The following THSD4 variants were observed in gnomAD, a reference collection of about 807,000 sequenced individuals.
THSD4 encodes the protein thrombospondin type 1 domain containing 4, also known as thrombospondin type-1 domain-containing protein 4.
THSD4 carries 69 observed loss-of-function variants against 119.0 expected under a neutral mutation model. That is an observed-to-expected ratio of 0.58 (90% CI 0.48 to 0.71). THSD4 has a LOEUF of 0.71. THSD4 is among the 30% of genes least tolerant of loss of function. The pLI is 0.00. For missense variants in THSD4, 1,393 were observed against 1,391.1 expected (o/e 1.00, Z -0.02); for synonymous variants, 524 against 540.4 (o/e 0.97, Z 0.42).
At position 71,370,364 on chromosome 15, in the gene THSD4, T is replaced by A. The variant is rs1596374665; in HGVS notation, c.1016-41323T>A. Among the ~76,000 whole-genome samples, 3 of 152,348 alleles carry A rather than the reference T, an allele frequency of 2.0e-5. No individual in the cohort carries two copies. In the East Asian group the frequency reaches 5.8e-4, roughly 29 times the overall value. On this transcript the variant is annotated intron_variant, in intron 6 of 17. Coordinates refer to ENST00000261862, the MANE Select transcript of THSD4 (RefSeq NM_024817.3). ...GCTCTTGCTTCTCTAGTTCTTTTAA[T>A]TGTGATGTTAGGGTGTCAATTTTAG... is the stretch of plus-strand genomic sequence containing the variant.
chr15:71,718,148 C>G (rs926137347), intron 8 of THSD4, among the ~76,000 whole-genome samples: 4 of 123,188 alleles, frequency 3.2e-5, no homozygotes, highest in African/African-American at 1.2e-4. Context: ...GACCCTGTCT[C>G]AAAAAAAAAA....
chr15:71,386,212 T>TA, intron 6 of THSD4, among the ~76,000 whole-genome samples: 1 of 152,238 alleles, frequency 6.6e-6, no homozygotes, highest in East Asian at 1.9e-4. Flanking sequence ...TGACTTCCAT[T>TA]AAAAATCAAA....
intron 8 of THSD4, among the ~76,000 whole-genome samples, chr15:71,665,708 T>G: frequency 6.6e-6 from 1 of 152,206 alleles, no homozygotes; most frequent in East Asian, 1.9e-4. Flanking sequence ...TTCAATCTTC[T>G]CCATATGGCT....
intron 3 of THSD4, among the ~76,000 whole-genome samples, chr15:71,162,596 G>T (rs1315836042): frequency 2.6e-5 from 4 of 151,996 alleles, no homozygotes; most frequent in Admixed American, 2.0e-4. Context: ...TGTTTATAAT[G>T]TGCCCCAGAG....
intron 8 of THSD4, among the ~76,000 whole-genome samples, chr15:71,713,126 G>A (rs944581786): frequency 6.6e-6 from 1 of 152,314 alleles, no homozygotes. Context: ...TTGGGTAATG[G>A]TAGAAAACAG....
At chr15:71,709,512 C>A (rs1285450175) in intron 8 of THSD4, among the ~76,000 whole-genome samples, 3 of 152,116 alleles carry the variant, frequency 2.0e-5, no homozygotes, top group African/African-American at 7.2e-5. Context: ...CAGGGGGGCT[C>A]CTCACTGGTC....
At chr15:71,252,624 G>A (rs995587673) in intron 5 of THSD4, among the ~76,000 whole-genome samples, 2 of 152,160 alleles carry the variant, frequency 1.3e-5, no homozygotes, top group East Asian at 1.9e-4. Flanking sequence ...ACACAGTCAC[G>A]AAGGGCACCA....
intron 7 of THSD4, among the ~76,000 whole-genome samples, chr15:71,514,908 G>A (rs1429352424): frequency 2.0e-5 from 3 of 152,068 alleles, no homozygotes; most frequent in Non-Finnish European, 4.4e-5. Flanking sequence ...TCCAAATTTT[G>A]TTTAACCAAA....
chr15:71,361,184 C>T (rs1043672319), intron 6 of THSD4, among the ~76,000 whole-genome samples: 2 of 152,130 alleles, frequency 1.3e-5, no homozygotes, highest in Non-Finnish European at 2.9e-5. Flanking sequence ...AATGGGGAGC[C>T]ACTGAAGGAG....
intron 8 of THSD4, among the ~76,000 whole-genome samples, chr15:71,673,403 C>T (rs1354106683): frequency 2.0e-5 from 3 of 152,190 alleles, no homozygotes; most frequent in Admixed American, 6.5e-5. Flanking sequence ...GTCTTGCTAA[C>T]GATCTAACAA....
At chr15:71,430,667 G>A (rs1308095806) in intron 7 of THSD4, among the ~76,000 whole-genome samples, 1 of 139,970 alleles carries the variant, frequency 7.1e-6, no homozygotes, top group East Asian at 2.3e-4. Context: ...TGAGGCACAA[G>A]AATCACTTGA....
chr15:71,731,979 C>T (rs117175433), intron 10 of THSD4: 3,236 of 152,412 alleles, frequency 0.021, 54 homozygotes, highest in Middle Eastern at 0.048. Flanking sequence ...GCCCCTTCCT[C>T]CACCTTCAAA....
chr15:71,312,242 C>T (rs1441916413), intron 6 of THSD4, among the ~76,000 whole-genome samples: 2 of 152,008 alleles, frequency 1.3e-5, no homozygotes. Context: ...GCAGGAGAAT[C>T]GCTGGAAACC....
In THSD4 at chr15:71,183,421, A is replaced by G. The variant is rs144900317; in HGVS notation, c.99+28489A>G. Reference sequence around the variant, plus strand: ...AGCCAGATTGCCTGGTTAATACCTCAGTTCTACTGCTTAGTAATTCTGGAC... The same window carrying G: ...AGCCAGATTGCCTGGTTAATACCTCGGTTCTACTGCTTAGTAATTCTGGAC... On this transcript the variant is annotated intron_variant, in intron 3 of 17. Transcript: ENST00000261862. Among the ~76,000 whole-genome samples, 112 of 151,844 alleles carry G rather than the reference A, an allele frequency of 7.4e-4. 1 individual carries two copies. The East Asian group carries it at 0.018, about 24-fold the overall frequency.
chr15:71,155,531 G>C (rs2040768211), intron 3 of THSD4, among the ~76,000 whole-genome samples: 1 of 152,214 alleles, frequency 6.6e-6, no homozygotes, highest in African/African-American at 2.4e-5. Context: ...TCTGATCTGA[G>C]AGCAGTGCCA....
intron 7 of THSD4, among the ~76,000 whole-genome samples, chr15:71,596,316 T>C (rs2140883521): frequency 6.6e-6 from 1 of 152,328 alleles, no homozygotes; most frequent in South Asian, 2.1e-4. Flanking sequence ...TGTGGTTTTC[T>C]CTCTTTCTTC....
chr15:71,246,444 G>A (rs896580599), intron 5 of THSD4, among the ~76,000 whole-genome samples: 3 of 152,104 alleles, frequency 2.0e-5, no homozygotes, highest in African/African-American at 2.4e-5. Flanking sequence ...TTACCTTTAC[G>A]CAGTGACAAA....
chr15:71,170,132 C>G (rs2043342788), intron 3 of THSD4, among the ~76,000 whole-genome samples: 1 of 152,190 alleles, frequency 6.6e-6, no homozygotes, highest in African/African-American at 2.4e-5. Context: ...CGAGATCTCA[C>G]TGGGCAACAG....
intron 6 of THSD4, among the ~76,000 whole-genome samples, chr15:71,284,790 TCTTTA>T (rs1461732831): frequency 6.6e-6 from 1 of 152,072 alleles, no homozygotes; most frequent in Non-Finnish European, 1.5e-5. Flanking sequence ...TGTATCCAGG[TCTTTA>T]CTTTTGTGTT....
Sources: gnomAD v4.1 joint callset for allele counts (sites outside exome capture counted in the v4.1 genomes callset) on GRCh38, gnomAD v4.1.1 for gene constraint, MANE v1.5 for transcripts, NCBI Gene and HGNC (gene_info 2026-07-23, HGNC 2026-07-21) for gene names.